The following ANKRD45 variants were observed in gnomAD, a reference collection of about 807,000 sequenced individuals.
ANKRD45 encodes ankyrin repeat domain-containing protein 45.
Under a neutral mutation model 28.1 loss-of-function variants are expected in ANKRD45, and 21 were observed. The observed-to-expected ratio is 0.75, with a 90% CI of 0.53 to 1.08. The LOEUF (loss-of-function observed/expected upper bound fraction) is 1.08, where lower values mean the gene tolerates loss of function less well. ANKRD45 is among the 50% of genes least tolerant of loss of function. ANKRD45 has a pLI of 0.00. For synonymous variants in ANKRD45, 86 were observed against 103.9 expected, an observed-to-expected ratio of 0.83 and a Z score of 1.05; for missense variants, 261 against 308.7, an observed-to-expected ratio of 0.85 and a Z score of 1.16.
intron 2 of ANKRD45, among the ~76,000 whole-genome samples, chr1:173,653,922 CTTTTTTTTTT>C (rs1185149394): frequency 1.0e-5 from 1 of 100,338 alleles, no homozygotes; most frequent in East Asian, 2.8e-4. Context: ...GCAACCCTTG[CTTTTTTTTTT>C]TTTTTTTTTG....
chr1:173,635,725 C>T (rs768824207), intron 3 of ANKRD45: 1 of 1,535,588 alleles, frequency 6.5e-7, no homozygotes, highest in Admixed American at 2.0e-5. Flanking sequence ...ACTTTGCTAA[C>T]ATGGATATAT....
rs200430789 is a variant in ANKRD45, at chr1:173,659,389, C to T, written c.30G>A (p.Glu10=). Reference sequence around the variant, plus strand: ...CTTGCTGTGAGAAAAATTCTGAACTCTCTGACTCTGGAGGTCCTTCTGACT... The same window carrying T: ...CTTGCTGTGAGAAAAATTCTGAACTTTCTGACTCTGGAGGTCCTTCTGACT... MESEGPPES[E]SSEFFSQQEE... is the part of the protein sequence containing the mutation. Residue 10 remains glutamate, a synonymous_variant, in exon 2 of 6, where the codon GAG becomes GAA. Coordinates refer to ENST00000333279, the MANE Select transcript of ANKRD45 (RefSeq NM_198493.3). The T allele has an allele frequency of 1.1e-5, 18 of 1,594,002 alleles. No individual in the cohort carries two copies. The highest frequency in any genetic ancestry group is 1.5e-5 in the Non-Finnish European group (17 of 1,172,386).
chr1:173,626,092 T>A (rs142826040), intron 4 of ANKRD45, among the ~76,000 whole-genome samples: 54 of 152,204 alleles, frequency 3.5e-4, no homozygotes, highest in Admixed American at 1.0e-3. Context: ...ACATTTTGTT[T>A]GTTTCACAAG....
intron 5 of ANKRD45, among the ~76,000 whole-genome samples, chr1:173,615,720 C>T (rs1246621327): frequency 6.6e-6 from 1 of 152,028 alleles, no homozygotes; most frequent in Non-Finnish European, 1.5e-5. Flanking sequence ...AAACATGTGA[C>T]CACACAAAAA....
the ANKRD45 span, among the ~76,000 whole-genome samples, chr1:173,698,233 C>T: frequency 3.3e-5 from 5 of 152,024 alleles, no homozygotes; most frequent in Non-Finnish European, 5.9e-5. Context: ...ACATTAACAC[C>T]CCACTGTCAA....
upstream of ANKRD45, among the ~76,000 whole-genome samples, chr1:173,671,371 T>C (rs1670251346): frequency 6.6e-6 from 1 of 152,134 alleles, no homozygotes; most frequent in African/African-American, 2.4e-5. Context: ...AGAGTCAAAA[T>C]GGTGGAGTTT....
At chr1:173,693,007 G>A in the ANKRD45 span, among the ~76,000 whole-genome samples, 6 of 152,192 alleles carry the variant, frequency 3.9e-5, no homozygotes, top group East Asian at 7.7e-4. Context: ...TTTCTTGGCC[G>A]GTCATGGTGG....
At chr1:173,654,115 ATG>A (rs1271141281) in intron 2 of ANKRD45, among the ~76,000 whole-genome samples, 1 of 151,970 alleles carries the variant, frequency 6.6e-6, no homozygotes, top group African/African-American at 2.4e-5. Context: ...TAATATTGTT[ATG>A]TGTGACTCTG....
the ANKRD45 span, among the ~76,000 whole-genome samples, chr1:173,677,342 C>G: frequency 2.0e-5 from 3 of 151,886 alleles, no homozygotes; most frequent in Non-Finnish European, 4.4e-5. Flanking sequence ...CTTCCATAAG[C>G]CTTTTATAAT....
chr1:173,634,903 A>G (rs1289817335), intron 3 of ANKRD45, among the ~76,000 whole-genome samples: 1 of 151,970 alleles, frequency 6.6e-6, no homozygotes, highest in Non-Finnish European at 1.5e-5. Context: ...ATTATAAGGG[A>G]CAGGCACTCA....
rs1553263073 is a variant in ANKRD45 at position 173,608,908 on chromosome 1, A to AAGGGAGGGGAGGGGAGAGGAAGGGAGG, written c.*1236_*1237insCCTCCCTTCCTCTCCCCTCCCCTCCCT. On this transcript the variant is annotated 3_prime_UTR_variant, in exon 6 of 6. Coordinates refer to ENST00000333279, the MANE Select transcript of ANKRD45 (RefSeq NM_198493.3). Reference sequence around the variant, plus strand: ...GGGAGGGGAGGGGAGAGGAAGGGAGAGGAAGGGAGGGGAAGGGAGGGGAAG... The same window carrying AAGGGAGGGGAGGGGAGAGGAAGGGAGG: ...GGGAGGGGAGGGGAGAGGAAGGGAGAAGGGAGGGGAGGGGAGAGGAAGGGAGGGGAAGGGAGGGGAAGGGAGGGGAAG... Among the ~76,000 whole-genome samples the AAGGGAGGGGAGGGGAGAGGAAGGGAGG allele has an allele frequency of 2.2e-5, 1 of 44,902 alleles. No individual in the cohort carries two copies. Among genetic ancestry groups the AAGGGAGGGGAGGGGAGAGGAAGGGAGG allele is most frequent in the African/African-American group, 1.4e-4 (1 of 7,148 alleles). 29.5% of individuals were successfully genotyped at this position (44,902 alleles called of 152,430 possible). A position where few individuals can be genotyped will look rare whatever the true frequency, so the allele number is the denominator to read the frequency against.
At chr1:173,621,898 C>T (rs1188914079) in intron 5 of ANKRD45, among the ~76,000 whole-genome samples, 1 of 152,094 alleles carries the variant, frequency 6.6e-6, no homozygotes, top group East Asian at 1.9e-4. Context: ...GATCCTATAT[C>T]TAGGAAATCC....
upstream of ANKRD45, among the ~76,000 whole-genome samples, chr1:173,674,490 G>GCCCAAGGTGGTTAGAGCAGTC (rs1186608122): frequency 5.3e-5 from 8 of 152,296 alleles, no homozygotes; most frequent in African/African-American, 1.7e-4. Flanking sequence ...GATAACATGT[G>GCCCAAGGTGGTTAGAGCAGTC]CCCAAGGTGG....
chr1:173,678,063 G>A, the ANKRD45 span, among the ~76,000 whole-genome samples: 1 of 151,992 alleles, frequency 6.6e-6, no homozygotes, highest in Non-Finnish European at 1.5e-5. Context: ...ACCTTTTAAA[G>A]GGGGAGAAAA....
chr1:173,623,989 T>TG (rs1482335706), intron 5 of ANKRD45, among the ~76,000 whole-genome samples: 1 of 151,414 alleles, frequency 6.6e-6, no homozygotes, highest in African/African-American at 2.4e-5. Flanking sequence ...GAATAGCTAA[T>TG]GGATGCTGGG....
the ANKRD45 span, among the ~76,000 whole-genome samples, chr1:173,709,579 C>T: frequency 6.6e-6 from 1 of 152,210 alleles, no homozygotes; most frequent in African/African-American, 2.4e-5. Context: ...AAAGGCTGCA[C>T]ACCACACTTT....
At chr1:173,662,137 G>A (rs1181252283) in intron 1 of ANKRD45, among the ~76,000 whole-genome samples, 1 of 152,134 alleles carries the variant, frequency 6.6e-6, no homozygotes, top group African/African-American at 2.4e-5. Flanking sequence ...ATACACAAAT[G>A]AATGGGTGTG....
At chr1:173,670,982 A>G (rs1450060751), upstream of ANKRD45, among the ~76,000 whole-genome samples, 1 of 152,166 alleles carries the variant, frequency 6.6e-6, no homozygotes, top group African/African-American at 2.4e-5. Flanking sequence ...AGTTTCAACA[A>G]GGAATTTATC....
At chr1:173,655,335 C>T (rs1006889895) in intron 2 of ANKRD45, among the ~76,000 whole-genome samples, 1 of 152,184 alleles carries the variant, frequency 6.6e-6, no homozygotes, top group South Asian at 2.1e-4. Context: ...TGTTAGTTTT[C>T]CTTCTAACAG....
Sources: allele counts gnomAD v4.1 joint callset (sites outside exome capture counted in the v4.1 genomes callset), GRCh38; gene constraint gnomAD v4.1.1; transcripts MANE v1.5; gene names NCBI Gene and HGNC (gene_info 2026-07-23, HGNC 2026-07-21).